SEMA6A: variants seen among roughly 807,000 people sequenced by gnomAD.
SEMA6A encodes semaphorin-6A.
A neutral mutation model predicts 96.8 loss-of-function variants in SEMA6A; 25 were observed. The observed-to-expected ratio is 0.26, with a 90% CI of 0.19 to 0.36. The LOEUF (loss-of-function observed/expected upper bound fraction) is 0.36, where lower values mean the gene tolerates loss of function less well. Among genes scored for constraint, SEMA6A ranks in the 10% least tolerant of loss-of-function variants. The pLI is 1.00. For missense variants in SEMA6A, 1,363 were observed against 1,323.1 expected (o/e 1.03, Z -0.47); for synonymous variants, 612 against 518.0 (o/e 1.18, Z -2.46).
chr5:116,537,260 A>G (rs1452100983), intron 1 of SEMA6A, among the ~76,000 whole-genome samples: 2 of 152,236 alleles, frequency 1.3e-5, no homozygotes, highest in Admixed American at 1.3e-4. Flanking sequence ...AGAACTGGGA[A>G]GGATGTGTGA....
intron 1 of SEMA6A, among the ~76,000 whole-genome samples, chr5:116,559,002 T>A (rs1760708396): frequency 6.6e-6 from 1 of 152,216 alleles, no homozygotes; most frequent in Non-Finnish European, 1.5e-5. Flanking sequence ...TGGCTCCATA[T>A]ATGCCCCGAT....
intron 1 of SEMA6A, among the ~76,000 whole-genome samples, chr5:116,522,234 A>G (rs769161445): frequency 2.4e-4 from 36 of 149,582 alleles, no homozygotes; most frequent in Non-Finnish European, 1.6e-4. Flanking sequence ...TATTGACAAT[A>G]TTTTTCTTGT....
At chr5:116,531,930 G>C (rs540864828) in intron 1 of SEMA6A, among the ~76,000 whole-genome samples, 1 of 152,086 alleles carries the variant, frequency 6.6e-6, no homozygotes, top group African/African-American at 2.4e-5. Flanking sequence ...CTTTAAAAGA[G>C]CCAACTGGAA....
At chr5:116,472,123 A>G (rs1039364988) in intron 17 of SEMA6A, 3 of 152,210 alleles carry the variant, frequency 2.0e-5, no homozygotes, top group South Asian at 4.1e-4. Context: ...AAAAAAACAC[A>G]TGGATAGTTT....
chr5:116,466,674 G>C (rs1755777516), intron 18 of SEMA6A, among the ~76,000 whole-genome samples: 1 of 152,104 alleles, frequency 6.6e-6, no homozygotes, highest in Admixed American at 6.5e-5. Flanking sequence ...GTCTTCCAAG[G>C]GTCACAGTGG....
intron 1 of SEMA6A, among the ~76,000 whole-genome samples, chr5:116,542,091 G>GCA (rs1759996212): frequency 6.6e-6 from 1 of 152,144 alleles, no homozygotes; most frequent in African/African-American, 2.4e-5. Context: ...CAGGCATTTT[G>GCA]TCTCTTTGTA....
chr5:116,548,396 G>A (rs943936325), intron 1 of SEMA6A, among the ~76,000 whole-genome samples: 1 of 152,142 alleles, frequency 6.6e-6, no homozygotes, highest in African/African-American at 2.4e-5. Flanking sequence ...GAAGTTCCAA[G>A]GTCCTGCTTG....
rs200298483 is a variant in SEMA6A at position 116,447,404 on chromosome 5, G to C, written c.2302C>G (p.Arg768Gly). ...PESTPTLQQK[R>G]KPSRGSREWE... ...TCGCGGCTGCCGCGGCTGGGCTTCC[G>C]CTTCTGCTGCAGCGTTGGGGTTGAC... is the stretch of plus-strand genomic sequence containing the variant. Residue 768 changes from arginine to glycine, a missense_variant, in exon 19 of 19, where the codon CGG (arginine) becomes GGG (glycine). Arg to Gly is a moderately radical substitution (Grantham distance 125). Coordinates refer to ENST00000343348, the MANE Select transcript of SEMA6A (RefSeq NM_020796.5). 6.2e-7 allele frequency: 1 copy of C among 1,614,030 alleles called. No individual in the cohort carries two copies. Among genetic ancestry groups the C allele is most frequent in the East Asian group, 2.2e-5 (1 of 44,874 alleles).
intron 1 of SEMA6A, among the ~76,000 whole-genome samples, chr5:116,514,104 T>C (rs1280993187): frequency 6.6e-6 from 1 of 152,216 alleles, no homozygotes; most frequent in Non-Finnish European, 1.5e-5. Flanking sequence ...TATACGTGCA[T>C]GTGTCTTTAT....
chr5:116,466,558 A>G (rs1199090309), intron 18 of SEMA6A, among the ~76,000 whole-genome samples: 4 of 152,066 alleles, frequency 2.6e-5, no homozygotes, highest in African/African-American at 9.7e-5. Context: ...GAGAAGCAAA[A>G]AAGCAGATGA....
chr5:116,488,600 T>C (rs1260545136), intron 8 of SEMA6A, among the ~76,000 whole-genome samples: 1 of 152,222 alleles, frequency 6.6e-6, no homozygotes, highest in Non-Finnish European at 1.5e-5. Flanking sequence ...CATTGTTCAG[T>C]TCTTTTCATG....
intron 6 of SEMA6A, chr5:116,492,371 G>A (rs899658546): frequency 2.0e-5 from 3 of 151,878 alleles, no homozygotes; most frequent in East Asian, 1.9e-4. Context: ...CAAATGTTTC[G>A]GTTTGTGAGG....
chr5:116,556,119 T>C (rs2112894119), intron 1 of SEMA6A, among the ~76,000 whole-genome samples: 1 of 152,168 alleles, frequency 6.6e-6, no homozygotes, highest in Middle Eastern at 3.4e-3. Flanking sequence ...AAATAACAAC[T>C]GTAGCAAAAC....
At chr5:116,560,834 G>A (rs376594880) in intron 1 of SEMA6A, among the ~76,000 whole-genome samples, 4 of 151,990 alleles carry the variant, frequency 2.6e-5, no homozygotes, top group East Asian at 3.9e-4. Flanking sequence ...TCCTAGCAAT[G>A]GTATTTCACT....
chr5:116,528,493 G>A (rs1759325578), intron 1 of SEMA6A, among the ~76,000 whole-genome samples: 1 of 152,196 alleles, frequency 6.6e-6, no homozygotes, highest in Admixed American at 6.5e-5. Context: ...GACTTTGTAT[G>A]TATTGAAACT....
At position 116,487,114 on chromosome 5, in the gene SEMA6A, AAAG is replaced by A. The variant is rs1757089716; in HGVS notation, c.745-151_745-149del. On this transcript the variant is annotated intron_variant, in intron 9 of 18. Coordinates refer to ENST00000343348, the MANE Select transcript of SEMA6A (RefSeq NM_020796.5). ...CAGTAACAAAAAAAAAAAAGAAAGA[AAAG>A]AAAAAAAGAGGAAAACTCAGCATTA... 2.7e-5 allele frequency: 17 copies of A among 618,858 alleles called. No individual in the cohort carries two copies. In the South Asian group the frequency reaches 3.5e-4, roughly 13 times the overall value. 38.3% of individuals were successfully genotyped at this position (618,858 alleles called of 1,614,324 possible).
At chr5:116,554,130 C>A (rs781249973) in intron 1 of SEMA6A, among the ~76,000 whole-genome samples, 1 of 152,076 alleles carries the variant, frequency 6.6e-6, no homozygotes, top group Non-Finnish European at 1.5e-5. Flanking sequence ...TGTTTTAAAC[C>A]ATGCATTGTA....
intron 1 of SEMA6A, among the ~76,000 whole-genome samples, chr5:116,517,700 C>G (rs1758734551): frequency 6.6e-6 from 1 of 152,126 alleles, no homozygotes; most frequent in East Asian, 1.9e-4. Flanking sequence ...TAGCAAGGTC[C>G]CAAAGCCTCT....
At chr5:116,495,350 C>T (rs913648172) in intron 6 of SEMA6A, 63 bp downstream of exon 6, 14 of 1,222,754 alleles carry the variant, frequency 1.1e-5, no homozygotes, top group African/African-American at 3.0e-5. Flanking sequence ...GCTGCAGGTA[C>T]AATCACAGTA....
Sources: gnomAD v4.1 joint callset for allele counts (sites outside exome capture counted in the v4.1 genomes callset) on GRCh38, gnomAD v4.1.1 for gene constraint, MANE v1.5 for transcripts, NCBI Gene and HGNC (gene_info 2026-07-23, HGNC 2026-07-21) for gene names.